Variants in CD1B observed in about 807,000 individuals in gnomAD.
CD1B encodes CD1b molecule, also known as T-cell surface glycoprotein CD1b.
In CD1B, 43 loss-of-function variants were observed where a neutral mutation model predicts 39.8. The ratio of observed to expected loss-of-function variants is 1.08; its 90% CI spans 0.85 to 1.39. The LOEUF is 1.39. Among genes scored for constraint, CD1B ranks in the 40% most tolerant of loss-of-function variants. CD1B has a pLI of 0.00. For missense variants in CD1B, 495 were observed against 403.8 expected (o/e 1.23, Z -1.94); for synonymous variants, 192 against 152.5 (o/e 1.26, Z -1.91).
intron 1 of CD1B, 129 bp downstream of exon 1, chr1:158,331,234 A>G (rs1652590618): frequency 9.3e-7 from 1 of 1,076,402 alleles, no homozygotes; most frequent in Non-Finnish European, 1.4e-6. Flanking sequence ...AACCACCAGA[A>G]TGGTTGAAGA....
At chr1:158,303,013 T>G in the CD1B span, among the ~76,000 whole-genome samples, 1 of 151,886 alleles carries the variant, frequency 6.6e-6, no homozygotes, top group Non-Finnish European at 1.5e-5. Flanking sequence ...TCCTGAAGAA[T>G]ATATATGCAA....
the CD1B span, among the ~76,000 whole-genome samples, chr1:158,310,022 G>A: frequency 1.3e-5 from 2 of 150,306 alleles, no homozygotes; most frequent in South Asian, 2.1e-4. Context: ...GCAATCTTAA[G>A]CAAAAAGAAC....
At position 158,329,898 on chromosome 1, in the gene CD1B, A is replaced by T. The variant is rs142807777; in HGVS notation, c.561T>A (p.Tyr187Ter). 2,892 of 1,614,102 alleles carry T rather than the reference A, an allele frequency of 1.8e-3. 7 individuals are homozygous for T. Among genetic ancestry groups the T allele is most frequent in the Non-Finnish European group, 2.2e-3 (2,581 of 1,179,992 alleles). ...TTCCTGCATTGAGGACGCCCAAGAGATATCGGGGGCAGGTTTCATAGAGGA... is the reference window on the plus strand; with the variant it reads ...TTCCTGCATTGAGGACGCCCAAGAGTTATCGGGGGCAGGTTTCATAGAGGA... Reference protein sequence around the residue: ...RILLYETCPRYLLGVLNAGKA... With the variant: ...RILLYETCPR The change falls in exon 3 of 6, where the codon TAT (tyrosine) becomes TAA (stop). Residue 187 changes from tyrosine (Y) to a stop codon, truncating the protein, a stop_gained. Transcript: ENST00000368168. LOFTEE classifies it high-confidence loss of function.
chr1:158,294,092 C>T, the CD1B span, among the ~76,000 whole-genome samples: 1 of 152,200 alleles, frequency 6.6e-6, no homozygotes, highest in Admixed American at 6.5e-5. Flanking sequence ...CCTTGATACA[C>T]TTATTTTCTA....
At chr1:158,305,959 A>G in the CD1B span, among the ~76,000 whole-genome samples, 1 of 152,262 alleles carries the variant, frequency 6.6e-6, no homozygotes. Flanking sequence ...AACAAGTGGT[A>G]CCAGCCACTG....
the CD1B span, chr1:158,293,497 C>G: frequency 2.3e-5 from 37 of 1,614,000 alleles, no homozygotes; most frequent in Non-Finnish European, 2.8e-5. Context: ...CCTGACTCCC[C>G]CATTGTGTTA....
chr1:158,314,613 C>T, the CD1B span, among the ~76,000 whole-genome samples: 1 of 151,566 alleles, frequency 6.6e-6, no homozygotes, highest in Non-Finnish European at 1.5e-5. Context: ...CTTAGAAATG[C>T]TTTTGCTGTA....
the CD1B span, among the ~76,000 whole-genome samples, chr1:158,320,934 T>C: frequency 1.3e-5 from 2 of 152,350 alleles, no homozygotes; most frequent in Admixed American, 1.3e-4. Context: ...ACATAAGATA[T>C]ATCCTGGAGA....
the CD1B span, among the ~76,000 whole-genome samples, chr1:158,313,066 G>A: frequency 3.9e-5 from 6 of 152,102 alleles, no homozygotes; most frequent in Admixed American, 1.3e-4. Context: ...GTGGGATGTT[G>A]AATTCTATCA....
the CD1B span, among the ~76,000 whole-genome samples, chr1:158,317,187 A>G: frequency 9.9e-5 from 15 of 151,884 alleles, no homozygotes; most frequent in Non-Finnish European, 1.9e-4. Context: ...AAAATGAGTT[A>G]GGGAGGATTC....
chr1:158,287,707 A>G, the CD1B span, among the ~76,000 whole-genome samples: 1 of 152,218 alleles, frequency 6.6e-6, no homozygotes, highest in African/African-American at 2.4e-5. Flanking sequence ...GGCAAAAAGG[A>G]TGATACTTAC....
chr1:158,316,079 A>G, the CD1B span, among the ~76,000 whole-genome samples: 1 of 151,966 alleles, frequency 6.6e-6, no homozygotes. Context: ...TATAGTTTGA[A>G]GTCAGGTAGT....
At chr1:158,305,984 A>T in the CD1B span, among the ~76,000 whole-genome samples, 3 of 152,226 alleles carry the variant, frequency 2.0e-5, no homozygotes, top group Non-Finnish European at 2.9e-5. Flanking sequence ...AACATGCCAA[A>T]TTGTAAAGAC....
At chr1:158,304,876 C>T in the CD1B span, among the ~76,000 whole-genome samples, 1 of 152,186 alleles carries the variant, frequency 6.6e-6, no homozygotes, top group Non-Finnish European at 1.5e-5. Flanking sequence ...TGCTGAGGGT[C>T]CTGACTGTTA....
rs760467639 is a variant in CD1B at position 158,329,983 on chromosome 1, G to A, written c.476C>T (p.Ala159Val). ...CVPSPEGGSRAQKFCALIIQY... is the reference protein window; with the variant it reads ...CVPSPEGGSRVQKFCALIIQY... ...TATGATTAGTGCACAGAATTTCTGT[G>A]CCCTGCTGCCACCTTCTGGGGAAGG... The change falls in exon 3 of 6, where the codon GCA becomes GTA. Residue 159 changes from alanine (A) to valine (V), a missense_variant. Ala to Val is a moderately conservative substitution (Grantham distance 64). Coordinates refer to ENST00000368168, the MANE Select transcript of CD1B (RefSeq NM_001764.3). The A allele has an allele frequency of 6.2e-7, 1 of 1,614,086 alleles. No individual in the cohort carries two copies. The highest frequency in any genetic ancestry group is 1.1e-5 in the South Asian group (1 of 91,078).
the CD1B span, among the ~76,000 whole-genome samples, chr1:158,305,976 C>G: frequency 6.6e-6 from 1 of 152,224 alleles, no homozygotes; most frequent in African/African-American, 2.4e-5. Context: ...ACTGCAAAAA[C>G]ATGCCAAATT....
the CD1B span, chr1:158,291,101 T>C: frequency 6.4e-7 from 1 of 1,572,916 alleles, no homozygotes; most frequent in Non-Finnish European, 8.6e-7. Flanking sequence ...TTTTTTTTTT[T>C]CCTTACACTA....
At chr1:158,317,688 C>T in the CD1B span, among the ~76,000 whole-genome samples, 5,817 of 152,022 alleles carry the variant, frequency 0.038, 354 homozygotes, top group African/African-American at 0.13. Flanking sequence ...TTTTAGTTAT[C>T]TCTTGCCTTC....
the CD1B span, among the ~76,000 whole-genome samples, chr1:158,311,707 C>A: frequency 2.0e-5 from 3 of 152,116 alleles, no homozygotes; most frequent in Non-Finnish European, 4.4e-5. Context: ...TTTTGTTCTT[C>A]TGCATATGGA....
Sources: allele counts gnomAD v4.1 joint callset (sites outside exome capture counted in the v4.1 genomes callset), GRCh38; gene constraint gnomAD v4.1.1; transcripts MANE v1.5; gene names NCBI Gene and HGNC (gene_info 2026-07-23, HGNC 2026-07-21).